The following CYP4Z1 variants were observed in gnomAD, a reference collection of about 807,000 sequenced individuals.
CYP4Z1 encodes the protein cytochrome P450 family 4 subfamily Z member 1, also known as cytochrome P450 4Z1.
Under a neutral mutation model 54.2 loss-of-function variants are expected in CYP4Z1, and 41 were observed. That is an observed-to-expected ratio of 0.76 (90% CI 0.59 to 0.98). The LOEUF is 0.98. CYP4Z1 is among the 50% of genes least tolerant of loss of function. The pLI is 0.00. For missense variants in CYP4Z1, 513 were observed against 599.0 expected (o/e 0.86, Z 1.50); for synonymous variants, 163 against 206.2 (o/e 0.79, Z 1.79).
In CYP4Z1 at chr1:47,106,221, C is replaced by G; in HGVS notation, c.1161C>G (p.Asp387Glu). ...APVVNISRLL[D>E]KPITFPDGRS... ...TAGTAAACATATCCCGGTTACTCGA[C>G]AAACCCATCACCTTTCCAGATGGAC... The change falls in exon 9 of 12, where the codon GAC becomes GAG. Residue 387 changes from aspartate to glutamate, a missense_variant. Asp to Glu is a conservative substitution (Grantham distance 45). Transcript: ENST00000334194. 2 of 1,613,304 alleles carry G rather than the reference C, an allele frequency of 1.2e-6. No individual in the cohort carries two copies. The highest frequency in any genetic ancestry group is 1.7e-6 in the Non-Finnish European group (2 of 1,179,528).
At chr1:47,057,981 C>G in the CYP4Z1 span, among the ~76,000 whole-genome samples, 1 of 151,984 alleles carries the variant, frequency 6.6e-6, no homozygotes, top group Non-Finnish European at 1.5e-5. Context: ...ACTGGTTGAT[C>G]ACCATGAACT....
the CYP4Z1 span, among the ~76,000 whole-genome samples, chr1:47,056,503 T>C: frequency 6.6e-6 from 1 of 152,182 alleles, no homozygotes; most frequent in Non-Finnish European, 1.5e-5. Context: ...TTGATCTGTC[T>C]AATGTTGACA....
chr1:47,117,549 G>A (rs892905065), intron 11 of CYP4Z1, among the ~76,000 whole-genome samples: 3 of 151,978 alleles, frequency 2.0e-5, no homozygotes, highest in African/African-American at 4.8e-5. Context: ...TCAGGAATTT[G>A]AGACCAGCCT....
At chr1:47,107,206 C>T (rs955711442) in intron 9 of CYP4Z1, among the ~76,000 whole-genome samples, 14 of 152,320 alleles carry the variant, frequency 9.2e-5, no homozygotes, top group Non-Finnish European at 1.6e-4. Flanking sequence ...TCCTGCCCCC[C>T]AGTTCTGCTG....
intron 7 of CYP4Z1, among the ~76,000 whole-genome samples, chr1:47,097,438 T>C (rs1159467431): frequency 1.3e-5 from 2 of 152,226 alleles, no homozygotes; most frequent in East Asian, 3.8e-4. Context: ...CTGGGGTTTT[T>C]ATAGTTTTGG....
At chr1:47,101,671 GT>G (rs1644722568) in intron 8 of CYP4Z1, among the ~76,000 whole-genome samples, 1 of 152,080 alleles carries the variant, frequency 6.6e-6, no homozygotes, top group Non-Finnish European at 1.5e-5. Flanking sequence ...CTAACATACA[GT>G]CTATACTGGA....
intron 7 of CYP4Z1, among the ~76,000 whole-genome samples, chr1:47,096,196 TCACTTAAGGCC>T (rs1461981421): frequency 6.6e-6 from 1 of 152,090 alleles, no homozygotes; most frequent in East Asian, 1.9e-4. Flanking sequence ...GGCAGGAGGA[TCACTTAAGGCC>T]AGGAGTCTGA....
chr1:47,106,190 C>T lies in CYP4Z1; in HGVS notation c.1130C>T (p.Ala377Val). ...MCIKECLRLYAPVVNISRLLD... is the reference protein window; with the variant it reads ...MCIKECLRLYVPVVNISRLLD... The stretch of plus-strand genomic sequence containing the variant: ...ATCAAGGAATGCCTCCGCCTCTACG[C>T]ACCGGTAGTAAACATATCCCGGTTA... Residue 377 changes from alanine to valine, a missense_variant, in exon 9 of 12, where the codon GCA (alanine) becomes GTA (valine). By Grantham distance (64) the Ala-to-Val change is moderately conservative. Transcript: ENST00000334194. 1 of 1,614,068 alleles carries T rather than the reference C, an allele frequency of 6.2e-7. No homozygotes were observed. Among genetic ancestry groups the T allele is most frequent in the Non-Finnish European group, 8.5e-7 (1 of 1,179,970 alleles).
upstream of CYP4Z1, among the ~76,000 whole-genome samples, chr1:47,064,758 G>A (rs1425004011): frequency 1.3e-5 from 2 of 152,118 alleles, no homozygotes; most frequent in African/African-American, 2.4e-5. Context: ...CAGAACAGCA[G>A]AATGGATAAG....
intron 2 of CYP4Z1, among the ~76,000 whole-genome samples, chr1:47,076,612 G>A (rs1430895896): frequency 1.1e-4 from 17 of 151,960 alleles, no homozygotes; most frequent in African/African-American, 3.6e-4. Flanking sequence ...TTGGGAGGCC[G>A]AGGCGGGTGG....
the CYP4Z1 span, among the ~76,000 whole-genome samples, chr1:47,061,558 G>T: frequency 6.6e-6 from 1 of 152,004 alleles, no homozygotes; most frequent in African/African-American, 2.4e-5. Context: ...CCATCCCAAA[G>T]AAGCCCAGAA....
intron 7 of CYP4Z1, among the ~76,000 whole-genome samples, chr1:47,096,035 A>G (rs534105233): frequency 2.2e-4 from 33 of 152,298 alleles, no homozygotes; most frequent in African/African-American, 6.7e-4. Flanking sequence ...ACTCTTCCTA[A>G]ACCAGGACTA....
chr1:47,079,164 G>A (rs1271654510), intron 2 of CYP4Z1, among the ~76,000 whole-genome samples: 2 of 152,154 alleles, frequency 1.3e-5, no homozygotes, highest in Non-Finnish European at 2.9e-5. Flanking sequence ...GGACCATTCT[G>A]CTTTCTCTAG....
rs746529579 is a variant in CYP4Z1, at chr1:47,067,554, A to G, written c.64A>G (p.Met22Val). The change falls in exon 1 of 12, where the codon ATG becomes GTG. Residue 22 changes from methionine to valine, a missense_variant. Physicochemically the swap from Met to Val is conservative, Grantham distance 21. Transcript: ENST00000334194. ...HPFLLLILLC[M>V]SLLLFQVIRL... is the part of the protein sequence containing the mutation. ...CTTCTTGCTGCTGATCCTCCTCTGC[A>G]TGTCTCTGCTGCTGTTTCAGGTAAT... 4 of 1,613,746 alleles carry G rather than the reference A, an allele frequency of 2.5e-6. No individual in the cohort carries two copies. In the South Asian group the frequency reaches 4.4e-5, roughly 18 times the overall value.
rs769879827 is a variant in CYP4Z1, at chr1:47,068,664, GA to G, written c.225del (p.Lys75AsnfsTer29). ...GTTTGAGGTGTATCATAAGCTGATG[GA>G]AAAATACCCATGTGCTGTTCCCTTG... ...KEFEVYHKLM[E>X]KYPCAVPLWV... On this transcript the variant is annotated frameshift_variant, in exon 2 of 12. Coordinates refer to ENST00000334194, the MANE Select transcript of CYP4Z1 (RefSeq NM_178134.3). LOFTEE classifies it high-confidence loss of function. The G allele has an allele frequency of 6.2e-7, 1 of 1,614,132 alleles. No individual in the cohort carries two copies. Among genetic ancestry groups the G allele is most frequent in the South Asian group, 1.1e-5 (1 of 91,080 alleles).
At chr1:47,080,188 A>G (rs551399105) in intron 2 of CYP4Z1, among the ~76,000 whole-genome samples, 2 of 125,604 alleles carry the variant, frequency 1.6e-5, no homozygotes, top group African/African-American at 6.3e-5. Flanking sequence ...ATCTTTCTCA[A>G]ACAAATCCAA....
intron 8 of CYP4Z1, among the ~76,000 whole-genome samples, chr1:47,103,657 C>A (rs1464771413): frequency 7.0e-6 from 1 of 143,114 alleles, no homozygotes; most frequent in African/African-American, 2.6e-5. Context: ...TGCAATGGCA[C>A]GATCTTGGCT....
chr1:47,102,686 G>A (rs1342128058), intron 8 of CYP4Z1, among the ~76,000 whole-genome samples: 1 of 152,164 alleles, frequency 6.6e-6, no homozygotes, highest in Non-Finnish European at 1.5e-5. Flanking sequence ...GAAATCTACT[G>A]TTAGCCTAAT....
intron 9 of CYP4Z1, among the ~76,000 whole-genome samples, chr1:47,108,297 T>A (rs10890458): frequency 1.3e-5 from 2 of 150,870 alleles, no homozygotes; most frequent in Non-Finnish European, 2.9e-5. Context: ...CAACTTCCCC[T>A]TTGGCAATGC....
Sources: allele counts gnomAD v4.1 joint callset (sites outside exome capture counted in the v4.1 genomes callset), GRCh38; gene constraint gnomAD v4.1.1; transcripts MANE v1.5; gene names NCBI Gene and HGNC (gene_info 2026-07-23, HGNC 2026-07-21).